Variants in COL15A1 observed in about 807,000 individuals in gnomAD.
COL15A1 encodes the protein collagen alpha-1(XV) chain.
In COL15A1, 111 loss-of-function variants were observed where a neutral mutation model predicts 165.9. The ratio of observed to expected loss-of-function variants is 0.67; its 90% confidence interval spans 0.57 to 0.78. COL15A1 has a LOEUF of 0.78. Among genes scored for constraint, COL15A1 ranks in the 30% least tolerant of loss-of-function variants. The pLI, the probability that COL15A1 is intolerant of heterozygous loss-of-function variation, is 0.00. For synonymous variants in COL15A1, 659 were observed against 674.8 expected (o/e 0.98, Z 0.36); for missense variants, 1,745 against 1,789.7 (o/e 0.98, Z 0.45).
chr9:98,957,355 G>A (rs939055974), intron 2 of COL15A1, among the ~76,000 whole-genome samples: 8 of 152,256 alleles, frequency 5.3e-5, no homozygotes, highest in African/African-American at 1.9e-4. Flanking sequence ...ACCATGGTCT[G>A]CTGATACCTT....
intron 12 of COL15A1, 69 bp downstream of exon 12, chr9:99,020,511 T>G (rs1839008845): frequency 8.8e-7 from 1 of 1,139,100 alleles, no homozygotes; most frequent in African/African-American, 1.5e-5. Flanking sequence ...GTTATTTAGG[T>G]TTGATTTAGC....
Position 99,000,878 on chromosome 9 carries a change from A to C in COL15A1, c.992A>C (p.His331Pro). The change falls in exon 7 of 42, where the codon CAT (histidine) becomes CCT (proline). Residue 331 changes from histidine (H) to proline (P), a missense_variant. By Grantham distance (77) the His-to-Pro change is moderately conservative (BLOSUM62 -2). Coordinates refer to ENST00000375001, the MANE Select transcript of COL15A1 (RefSeq NM_001855.5). ...EILNDTLEGVHSVDGDPITDS... is the reference protein window; with the variant it reads ...EILNDTLEGVPSVDGDPITDS... The stretch of plus-strand genomic sequence containing the variant: ...CTGAATGACACACTGGAGGGGGTTC[A>C]TTCTGTGGATGGTGACCCCATTACT... The C allele has an allele frequency of 6.2e-7, 1 of 1,605,202 alleles. No individual in the cohort carries two copies. Among genetic ancestry groups the C allele is most frequent in the South Asian group, 1.1e-5 (1 of 90,834 alleles).
chr9:99,050,053 G>A (rs1839560537), intron 30 of COL15A1, among the ~76,000 whole-genome samples, 158 bp downstream of exon 30: 2 of 152,178 alleles, frequency 1.3e-5, no homozygotes, highest in African/African-American at 4.8e-5. Flanking sequence ...GAAGCTTTTA[G>A]ATAACAGGTC....
intron 7 of COL15A1, among the ~76,000 whole-genome samples, chr9:99,001,234 C>G (rs1026393806): frequency 6.6e-6 from 1 of 152,178 alleles, no homozygotes; most frequent in Non-Finnish European, 1.5e-5. Flanking sequence ...ACCCCGCCCT[C>G]CTGCTCAGTT....
chr9:98,945,678 C>G (rs1837570297), intron 2 of COL15A1, among the ~76,000 whole-genome samples: 1 of 152,198 alleles, frequency 6.6e-6, no homozygotes, highest in South Asian at 2.1e-4. Context: ...TATTGCAGAT[C>G]AAAGGGCAGC....
rs1217818139 is a variant in COL15A1 at position 99,024,283 on chromosome 9, TTG to T, written c.1855-589_1855-588del. Among the ~76,000 whole-genome samples, 190 of 135,016 alleles carry T rather than the reference TTG, an allele frequency of 1.4e-3. 7 individuals carry two copies. The South Asian group carries it at 0.017, about 12-fold the overall frequency. 88.6% of individuals were successfully genotyped at this position (135,016 alleles called of 152,430 possible). The stretch of plus-strand genomic sequence containing the variant: ...ACCACAAGCAGTTTTTTTTGTTTTT[TTG>T]TTTTTTTTTTTTTGAGATGGAGTCT... On this transcript the variant is annotated intron_variant, in intron 14 of 41. Transcript: ENST00000375001.
At position 99,024,878 on chromosome 9, in the gene COL15A1, C is replaced by A. The variant is rs773679223; in HGVS notation, c.1859C>A (p.Pro620His). ...ACAGAGTCTTTGTGTTTTTAGGGTC[C>A]TCCAGGACCCCCAGGGCCACCTGGC... ...LVGSEQLLRG[P>H]PGPPGPPGLP... The change falls in exon 15 of 42, where the codon CCT becomes CAT. Residue 620 changes from proline (P) to histidine (H), a missense_variant. Coordinates refer to ENST00000375001, the MANE Select transcript of COL15A1 (RefSeq NM_001855.5). 4 of 1,613,300 alleles carry A rather than the reference C, an allele frequency of 2.5e-6. No homozygotes were observed. In the East Asian group the frequency reaches 8.9e-5, roughly 36 times the overall value.
rs189524171 is a variant in COL15A1, at chr9:99,010,586, G to A, written c.1354-4831G>A. Among the ~76,000 whole-genome samples the A allele has an allele frequency of 4.1e-4, 62 of 152,240 alleles. No homozygotes were observed. In the South Asian group the frequency reaches 4.1e-3, roughly 10 times the overall value. On this transcript the variant is annotated intron_variant, in intron 9 of 41. Transcript: ENST00000375001. Reference sequence around the variant, plus strand: ...GTTGCAGTAGATAACCTCGGCACCCGGGAGTGATTGCCTCCAGCAAACCTT... The same window carrying A: ...GTTGCAGTAGATAACCTCGGCACCCAGGAGTGATTGCCTCCAGCAAACCTT...
intron 16 of COL15A1, among the ~76,000 whole-genome samples, chr9:99,028,659 T>C (rs1203455238): frequency 6.6e-6 from 1 of 150,892 alleles, no homozygotes; most frequent in African/African-American, 2.4e-5. Context: ...CCAGAAAAAA[T>C]TGAAAAAAGA....
At chr9:99,050,674 T>C (rs920252852) in intron 30 of COL15A1, among the ~76,000 whole-genome samples, 2 of 152,236 alleles carry the variant, frequency 1.3e-5, no homozygotes, top group African/African-American at 4.8e-5. Context: ...TGAGCACTTA[T>C]GCAGTGCTAA....
intron 5 of COL15A1, among the ~76,000 whole-genome samples, chr9:98,996,593 A>G (rs1358571388): frequency 6.6e-6 from 1 of 152,208 alleles, no homozygotes; most frequent in Non-Finnish European, 1.5e-5. Context: ...TCACTAATTC[A>G]TTCAATCATT....
Position 98,995,766 on chromosome 9 carries a change from C to T in COL15A1, c.805-1168C>T, listed in dbSNP as rs541552275. On this transcript the variant is annotated intron_variant, in intron 5 of 41. Transcript: ENST00000375001. ...ACTCAAGGTGATTTCTCTTTTTGCTCATCTGTACTTACAGTGTTTTCAATA... is the reference window on the plus strand; with the variant it reads ...ACTCAAGGTGATTTCTCTTTTTGCTTATCTGTACTTACAGTGTTTTCAATA... Among the ~76,000 whole-genome samples the T allele has an allele frequency of 3.9e-5, 6 of 152,320 alleles. 1 individual carries two copies. In the South Asian group the frequency reaches 1.2e-3, roughly 32 times the overall value.
intron 7 of COL15A1, among the ~76,000 whole-genome samples, chr9:99,002,393 G>A (rs1271174593): frequency 1.3e-5 from 2 of 152,154 alleles, no homozygotes; most frequent in African/African-American, 4.8e-5. Context: ...ATGGTTTGGA[G>A]TGAGTAGAGG....
chr9:98,965,134 C>T (rs1051421898), intron 2 of COL15A1, among the ~76,000 whole-genome samples: 2 of 152,114 alleles, frequency 1.3e-5, no homozygotes, highest in African/African-American at 4.8e-5. Flanking sequence ...CTCTCCTTGG[C>T]AAGAAAAAGA....
chr9:99,004,841 G>A, intron 8 of COL15A1, 57 bp from the exon 9 acceptor site: 2 of 1,604,906 alleles, frequency 1.2e-6, no homozygotes, highest in South Asian at 1.1e-5. Context: ...CCTTACCACA[G>A]TGTGGTGGAT....
chr9:98,983,096 G>A (rs942862145), intron 2 of COL15A1, among the ~76,000 whole-genome samples: 1 of 152,162 alleles, frequency 6.6e-6, no homozygotes, highest in Non-Finnish European at 1.5e-5. Context: ...TAACAACCAA[G>A]TGTCTCATAT....
intron 11 of COL15A1, among the ~76,000 whole-genome samples, chr9:99,017,518 A>G (rs530133468): frequency 2.2e-4 from 33 of 152,320 alleles, no homozygotes; most frequent in African/African-American, 7.5e-4. Flanking sequence ...GGTGAAGAAC[A>G]ACTCTGGTTT....
chr9:98,962,314 G>C (rs1430632997), intron 2 of COL15A1, among the ~76,000 whole-genome samples: 1 of 152,134 alleles, frequency 6.6e-6, no homozygotes, highest in African/African-American at 2.4e-5. Flanking sequence ...CGTGAGACGT[G>C]GGGGATGCAT....
chr9:98,964,238 G>A (rs1455868494), intron 2 of COL15A1, among the ~76,000 whole-genome samples: 2 of 151,260 alleles, frequency 1.3e-5, no homozygotes. Flanking sequence ...TAGTTAGGAG[G>A]TGTCCACTGG....
Sources: gnomAD v4.1 joint callset for allele counts (sites outside exome capture counted in the v4.1 genomes callset) on GRCh38, gnomAD v4.1.1 for gene constraint, MANE v1.5 for transcripts, NCBI Gene and HGNC (gene_info 2026-07-23, HGNC 2026-07-21) for gene names.